Variants in TOPAZ1 observed in about 807,000 individuals in gnomAD.
TOPAZ1 encodes testis and ovary specific TOPAZ 1, also known as protein TOPAZ1.
A neutral mutation model predicts 172.2 loss-of-function variants in TOPAZ1; 66 were observed. That is an observed-to-expected ratio of 0.38 (90% CI 0.31 to 0.47). The LOEUF is 0.47. TOPAZ1 is among the 20% of genes least tolerant of loss of function. The probability of loss-of-function intolerance (pLI) is 0.99; values close to 1 mark genes in which losing one functional copy is unlikely to be tolerated. For synonymous variants in TOPAZ1, 681 were observed against 683.9 expected (o/e 1.00, Z 0.07); for missense variants, 1,822 against 1,972.4 (o/e 0.92, Z 1.44).
intron 12 of TOPAZ1, among the ~76,000 whole-genome samples, chr3:44,298,533 G>C (rs1480014694): frequency 6.6e-6 from 1 of 152,026 alleles, no homozygotes; most frequent in East Asian, 1.9e-4. Flanking sequence ...CAGTAATCAA[G>C]TAATTAAGAA....
At chr3:44,285,298 TA>T (rs1431719741) in intron 9 of TOPAZ1, among the ~76,000 whole-genome samples, 6 of 151,814 alleles carry the variant, frequency 4.0e-5, no homozygotes, top group Non-Finnish European at 8.8e-5. Context: ...CCCATCTCTA[TA>T]AAAATAAATT....
intron 7 of TOPAZ1, 71 bp downstream of exon 7, chr3:44,269,372 C>T (rs528770492): frequency 1.2e-6 from 1 of 852,688 alleles, no homozygotes; most frequent in South Asian, 1.5e-5. Context: ...CTCCTCCCTC[C>T]TCTTCCTCAC....
chr3:44,248,724 A>T (rs1213435081), intron 2 of TOPAZ1, among the ~76,000 whole-genome samples: 1 of 152,216 alleles, frequency 6.6e-6, no homozygotes, highest in East Asian at 1.9e-4. Flanking sequence ...GAGAGGCTGA[A>T]GGCTGCTGGA....
chr3:44,245,009 G>A lies in TOPAZ1; in HGVS notation c.2503G>A (p.Glu835Lys), dbSNP rs1188518159. 6.4e-7 allele frequency: 1 copy of A among 1,551,722 alleles called. No homozygotes were observed. The highest frequency in any genetic ancestry group is 8.7e-7 in the Non-Finnish European group (1 of 1,147,004). ...AGAAACATTCCGACCAGTGTCCAGT[G>A]AAGTTAGGGGTAGAAAAATAACTAA... ...EQETFRPVSS[E>K]VRGRKITKNF... Residue 835 changes from glutamate (E) to lysine (K), a missense_variant, in exon 2 of 20, where the codon GAA (glutamate) becomes AAA (lysine). By Grantham distance (56) the Glu-to-Lys change is moderately conservative. This residue lies in a region of TOPAZ1 where 1,489 missense variants were observed against 1,490.8 expected (regional missense o/e 1.00). Coordinates refer to ENST00000309765, the MANE Select transcript of TOPAZ1 (RefSeq NM_001145030.2).
intron 7 of TOPAZ1, among the ~76,000 whole-genome samples, chr3:44,269,728 G>C (rs932006297): frequency 2.0e-5 from 3 of 151,356 alleles, no homozygotes; most frequent in Admixed American, 6.6e-5. Context: ...TCAAGCCTCA[G>C]CCTTAAGATT....
At chr3:44,296,594 A>C (rs980721853) in intron 12 of TOPAZ1, among the ~76,000 whole-genome samples, 6 of 151,974 alleles carry the variant, frequency 3.9e-5, no homozygotes, top group African/African-American at 1.4e-4. Flanking sequence ...CACAAAAAAA[A>C]ACAAAGTTGA....
At chr3:44,288,773 A>C (rs540339518) in intron 11 of TOPAZ1, among the ~76,000 whole-genome samples, 1 of 152,320 alleles carries the variant, frequency 6.6e-6, no homozygotes, top group Admixed American at 6.5e-5. Context: ...GCTTTCTGCA[A>C]AATGTACCCC....
At chr3:44,283,766 C>T (rs377734655) in intron 9 of TOPAZ1, among the ~76,000 whole-genome samples, 3 of 152,258 alleles carry the variant, frequency 2.0e-5, no homozygotes, top group South Asian at 2.1e-4. Flanking sequence ...TGGCCTTACA[C>T]GCACACACAT....
intron 9 of TOPAZ1, among the ~76,000 whole-genome samples, chr3:44,283,844 A>T (rs1029649391): frequency 6.6e-6 from 1 of 152,216 alleles, no homozygotes. Context: ...AGTTTAATGC[A>T]TATTTCCGAA....
chr3:44,267,774 G>A (rs1699848510), intron 6 of TOPAZ1, among the ~76,000 whole-genome samples: 1 of 152,056 alleles, frequency 6.6e-6, no homozygotes. Context: ...CTACATTAAA[G>A]GATGAATTTA....
chr3:44,334,798 A>G (rs1700705866), downstream of TOPAZ1, among the ~76,000 whole-genome samples: 1 of 152,204 alleles, frequency 6.6e-6, no homozygotes, highest in Admixed American at 6.5e-5. Flanking sequence ...ATGTAGGTGC[A>G]ACACATTTTG....
At chr3:44,324,899 A>G (rs959639887) in intron 18 of TOPAZ1, among the ~76,000 whole-genome samples, 6 of 152,328 alleles carry the variant, frequency 3.9e-5, no homozygotes, top group African/African-American at 1.4e-4. Flanking sequence ...CCTGTGTACA[A>G]TACAGTACCT....
chr3:44,333,503 G>A (rs1197476325), downstream of TOPAZ1, among the ~76,000 whole-genome samples: 1 of 152,112 alleles, frequency 6.6e-6, no homozygotes, highest in Non-Finnish European at 1.5e-5. Context: ...CCCTAAGAAA[G>A]GAATTAGAGA....
chr3:44,243,571 G>A lies in TOPAZ1; in HGVS notation c.1065G>A (p.Lys355=), dbSNP rs1699516293. ...TEMNFSNEYN[K]SELMLQENQM... ...TGAACTTCTCTAATGAGTATAACAAGTCTGAGTTGATGTTGCAAGAAAATC... is the reference window on the plus strand; with the variant it reads ...TGAACTTCTCTAATGAGTATAACAAATCTGAGTTGATGTTGCAAGAAAATC... Residue 355 remains lysine, a synonymous_variant, in exon 2 of 20, where the codon AAG becomes AAA. Coordinates refer to ENST00000309765, the MANE Select transcript of TOPAZ1 (RefSeq NM_001145030.2). 6.4e-7 allele frequency: 1 copy of A among 1,551,152 alleles called. No individual in the cohort carries two copies. The highest frequency in any genetic ancestry group is 1.2e-5 in the South Asian group (1 of 84,046).
chr3:44,318,103 G>T (rs1046919056), intron 16 of TOPAZ1, among the ~76,000 whole-genome samples: 1 of 152,022 alleles, frequency 6.6e-6, no homozygotes, highest in Admixed American at 6.6e-5. Context: ...GGCCCGGGGT[G>T]ATGAAGCAGT....
rs1699511971 is a variant in TOPAZ1 at position 44,243,386 on chromosome 3, C to G, written c.880C>G (p.Leu294Val). Reference protein sequence around the residue: ...EENVMGVNKLLPEESDLYQSK... With the variant: ...EENVMGVNKLVPEESDLYQSK... ...AAATGTAATGGGAGTAAATAAGTTA[C>G]TACCAGAAGAGAGTGATTTATACCA... Residue 294 changes from leucine to valine, a missense_variant, in exon 2 of 20, where the codon CTA becomes GTA. This residue lies in a region of TOPAZ1 where 1,489 missense variants were observed against 1,490.8 expected (regional missense o/e 1.00). Transcript: ENST00000309765. The G allele has an allele frequency of 6.4e-7, 1 of 1,550,872 alleles. No homozygotes were observed. The highest frequency in any genetic ancestry group is 8.7e-7 in the Non-Finnish European group (1 of 1,146,834).
chr3:44,271,009 G>A (rs374985547), intron 8 of TOPAZ1, among the ~76,000 whole-genome samples, 199 bp downstream of exon 8: 5 of 152,242 alleles, frequency 3.3e-5, no homozygotes, highest in African/African-American at 1.2e-4. Context: ...ACCTATTGTA[G>A]ATGTTTCTCA....
At chr3:44,333,432 C>G (rs921806528), downstream of TOPAZ1, among the ~76,000 whole-genome samples, 1 of 151,974 alleles carries the variant, frequency 6.6e-6, no homozygotes, top group African/African-American at 2.4e-5. Context: ...CCTTTGAAAA[C>G]AAGGGGAGAA....
intron 11 of TOPAZ1, among the ~76,000 whole-genome samples, chr3:44,289,777 C>G (rs1334577525): frequency 3.3e-5 from 5 of 152,086 alleles, no homozygotes; most frequent in Non-Finnish European, 7.4e-5. Context: ...TTATCCTACC[C>G]CAAATTCTTA....
Sources: gnomAD v4.1 joint callset for allele counts (sites outside exome capture counted in the v4.1 genomes callset) on GRCh38, gnomAD v4.1.1 for gene constraint, gnomAD v4.1.1 regional missense constraint, MANE v1.5 for transcripts, NCBI Gene and HGNC (gene_info 2026-07-23, HGNC 2026-07-21) for gene names.